GOSR2: variants seen among roughly 807,000 people sequenced by gnomAD.
GOSR2 encodes golgi SNAP receptor complex member 2.
A neutral mutation model predicts 27.9 loss-of-function variants in GOSR2; 20 were observed. The ratio of observed to expected loss-of-function variants is 0.72; its 90% CI spans 0.50 to 1.04. The LOEUF (loss-of-function observed/expected upper bound fraction) is 1.04. Among genes scored for constraint, GOSR2 ranks in the 50% least tolerant of loss-of-function variants. The pLI is 0.00. For synonymous variants in GOSR2, 91 were observed against 98.8 expected, an observed-to-expected ratio of 0.92 and a Z score of 0.47; for missense variants, 261 against 270.5, an observed-to-expected ratio of 0.97 and a Z score of 0.25.
intron 6 of GOSR2, among the ~76,000 whole-genome samples, chr17:46,956,009 C>T (rs2090683937): frequency 6.6e-6 from 1 of 152,166 alleles, no homozygotes; most frequent in Non-Finnish European, 1.5e-5. Flanking sequence ...GAAAATCTTT[C>T]CATGCCCCAT....
intron 6 of GOSR2, chr17:46,964,183 G>T (rs986319053): frequency 4.6e-5 from 7 of 152,160 alleles, no homozygotes; most frequent in Admixed American, 3.3e-4. Context: ...GACCATCTTA[G>T]TCCCTACCTC....
downstream of GOSR2, among the ~76,000 whole-genome samples, chr17:46,968,086 G>A (rs1195855681): frequency 1.3e-5 from 2 of 152,062 alleles, no homozygotes; most frequent in Admixed American, 6.6e-5. Flanking sequence ...TGGGGCATAT[G>A]GCATGGCCCA....
intron 6 of GOSR2, among the ~76,000 whole-genome samples, chr17:46,959,734 C>G (rs896325584): frequency 6.6e-6 from 1 of 152,156 alleles, no homozygotes; most frequent in African/African-American, 2.4e-5. Flanking sequence ...GGGCTCTCTC[C>G]TTTGCCATCC....
Position 46,941,874 on chromosome 17 carries a change from C to G in GOSR2, c.*3114C>G. ...GTTCTAGGGTTACAGGTGTTAGCCA[C>G]TGTACCTGGCCTCTAAGGTGATTCT... On this transcript the variant is annotated 3_prime_UTR_variant, in exon 6 of 6. Transcript: ENST00000640051. 1 of 965,908 alleles carries G rather than the reference C, an allele frequency of 1.0e-6. No homozygotes were observed. Among genetic ancestry groups the G allele is most frequent in the Non-Finnish European group, 1.2e-6 (1 of 812,256 alleles). The allele number at this position is 965,908 out of a possible 1,614,324, so 59.8% of individuals were successfully genotyped here. A position where few individuals can be genotyped will look rare whatever the true frequency, so the allele number is the denominator to read the frequency against.
intron 5 of GOSR2, chr17:46,935,498 C>G: frequency 7.5e-7 from 1 of 1,336,994 alleles, no homozygotes; most frequent in Non-Finnish European, 9.6e-7. Flanking sequence ...AGAATCTACT[C>G]TTGGAAGAAT....
chr17:46,945,090 T>C (rs1459092810), downstream of GOSR2, among the ~76,000 whole-genome samples: 1 of 152,060 alleles, frequency 6.6e-6, no homozygotes, highest in Non-Finnish European at 1.5e-5. Flanking sequence ...CAGGAAGAGC[T>C]TTCTGTGAGA....
At position 46,932,086 on chromosome 17, in the gene GOSR2, TATG is replaced by T. The variant is rs1242615372; in HGVS notation, c.227_229del (p.Asp76del). The T allele has an allele frequency of 6.2e-7, 1 of 1,613,636 alleles. No homozygotes were observed. The highest frequency in any genetic ancestry group is 2.2e-5 in the East Asian group (1 of 44,884). ...TTCCAGTCGGGTTGACCAGTTAAAG[TATG>T]ATGTCCAGCACCTGCAGACTGCGCT... is the stretch of plus-strand genomic sequence containing the variant. On this transcript the variant is annotated inframe_deletion, in exon 4 of 6. Transcript: ENST00000640051.
chr17:46,923,306 A>C (rs989917587), intron 1 of GOSR2, 85 bp downstream of exon 1: 10 of 1,546,514 alleles, frequency 6.5e-6, no homozygotes, highest in African/African-American at 1.4e-5. Flanking sequence ...CTCGGACGTC[A>C]GCCAGGGTAG....
chr17:46,949,956 C>T (rs1012603937), intron 6 of GOSR2, among the ~76,000 whole-genome samples: 3 of 152,226 alleles, frequency 2.0e-5, no homozygotes, highest in Non-Finnish European at 2.9e-5. Context: ...TGCCCTCCTC[C>T]AGTCCCTGGT....
rs2086591680 is a variant in GOSR2 at position 46,926,945 on chromosome 17, T to G, written c.30-2575T>G. On this transcript the variant is annotated intron_variant, in intron 1 of 5. Transcript: ENST00000640051. ...TTCCTCAAACTGCTGGGTCATAGCATGGACACATGCTTTATTCTACTAGTT... is the reference window on the plus strand; with the variant it reads ...TTCCTCAAACTGCTGGGTCATAGCAGGGACACATGCTTTATTCTACTAGTT... Among the ~76,000 whole-genome samples, 3 of 152,238 alleles carry G rather than the reference T, an allele frequency of 2.0e-5. No individual in the cohort carries two copies. The South Asian group carries it at 6.2e-4, about 32-fold the overall frequency.
At chr17:46,970,742 A>T (rs1227026694), downstream of GOSR2, among the ~76,000 whole-genome samples, 1 of 152,176 alleles carries the variant, frequency 6.6e-6, no homozygotes, top group East Asian at 1.9e-4. Context: ...GGGATCAGTG[A>T]TGTTTGCATA....
intron 6 of GOSR2, among the ~76,000 whole-genome samples, chr17:46,949,573 A>G (rs952127567): frequency 2.3e-4 from 35 of 152,168 alleles, no homozygotes; most frequent in Non-Finnish European, 3.8e-4. Flanking sequence ...GGAGAGTACA[A>G]TCTGCCACAC....
chr17:46,963,639 G>A (rs904145557), intron 6 of GOSR2: 2 of 151,904 alleles, frequency 1.3e-5, no homozygotes, highest in East Asian at 1.9e-4. Flanking sequence ...TCAGTGTTCA[G>A]TTGTCACTTG....
Position 46,940,118 on chromosome 17 carries a change from C to T in GOSR2, c.*1358C>T. On this transcript the variant is annotated 3_prime_UTR_variant, in exon 6 of 6. Transcript: ENST00000640051. ...CCTTCCTTTCTGTGTTCCTCTTCAC[C>T]TCTCTTGTTCCCCTCCCCGCTGCTC... 2 of 1,200,732 alleles carry T rather than the reference C, an allele frequency of 1.7e-6. No individual in the cohort carries two copies. Among genetic ancestry groups the T allele is most frequent in the Non-Finnish European group, 2.1e-6 (2 of 962,522 alleles). The allele number at this position is 1,200,732 out of a possible 1,614,324, so 74.4% of individuals were successfully genotyped here.
downstream of GOSR2, among the ~76,000 whole-genome samples, chr17:46,968,349 C>G (rs1248150875): frequency 6.6e-6 from 1 of 152,254 alleles, no homozygotes; most frequent in African/African-American, 2.4e-5. Context: ...TGTCCCAACT[C>G]TGTCTCTCAG....
downstream of GOSR2, chr17:46,967,025 G>A (rs934906097): frequency 4.7e-6 from 1 of 211,266 alleles, no homozygotes; most frequent in African/African-American, 2.3e-5. Context: ...TGAAAGCAGG[G>A]CTGTGTGTCC....
chr17:46,952,032 C>G (rs1418124464), intron 6 of GOSR2, among the ~76,000 whole-genome samples: 1 of 152,182 alleles, frequency 6.6e-6, no homozygotes. Context: ...TATATTGCAT[C>G]AGGGAGAGGG....
At chr17:46,956,002 A>G (rs796757277) in intron 6 of GOSR2, among the ~76,000 whole-genome samples, 1 of 152,166 alleles carries the variant, frequency 6.6e-6, no homozygotes, top group South Asian at 2.1e-4. Flanking sequence ...GGGAATGGAA[A>G]ATCTTTCCAT....
chr17:46,963,158 T>G (rs1449159124), intron 6 of GOSR2, among the ~76,000 whole-genome samples: 1 of 152,250 alleles, frequency 6.6e-6, no homozygotes, highest in Non-Finnish European at 1.5e-5. Context: ...TCATGATGTC[T>G]ATATGAGCAC....
Sources: gnomAD v4.1 joint callset for allele counts (sites outside exome capture counted in the v4.1 genomes callset) on GRCh38, gnomAD v4.1.1 for gene constraint, MANE v1.5 for transcripts, NCBI Gene and HGNC (gene_info 2026-07-23, HGNC 2026-07-21) for gene names.